GYG2: variants seen among roughly 807,000 people sequenced by gnomAD.
The protein encoded by GYG2 is glycogenin-2.
Under a neutral mutation model 29.4 loss-of-function variants are expected in GYG2, and 29 were observed. The observed-to-expected ratio is 0.99, with a 90% CI of 0.74 to 1.35. The LOEUF is 1.35. Among genes scored for constraint, GYG2 ranks in the 40% most tolerant of loss-of-function variants. The probability of loss-of-function intolerance (pLI) is 0.00; values close to 1 mark genes in which losing one functional copy is unlikely to be tolerated. For synonymous variants in GYG2, 167 were observed against 172.3 expected, an observed-to-expected ratio of 0.97 and a Z score of 0.24; for missense variants, 370 against 385.7, an observed-to-expected ratio of 0.96 and a Z score of 0.34.
chrX:2,855,005 G>A lies in GYG2; in HGVS notation c.337G>A (p.Val113Ile). 1 of 1,211,354 alleles carries A rather than the reference G, an allele frequency of 8.3e-7. No individual in the cohort carries two copies. Among genetic ancestry groups the A allele is most frequent in the Non-Finnish European group, 1.1e-6 (1 of 895,154 alleles). Residue 113 changes from valine to isoleucine, a missense_variant, in exon 5 of 11, where the codon GTC becomes ATC. Physicochemically the swap from Val to Ile is conservative, Grantham distance 29 (BLOSUM62 3). Coordinates refer to ENST00000398806, the MANE Select transcript of GYG2 (RefSeq NM_001079855.2). ...TTTGCTTCACCAGGTGCTGTCCAATGTCGATGAGCTGTTTGACAGGGGAGA... is the reference window on the plus strand; with the variant it reads ...TTTGCTTCACCAGGTGCTGTCCAATATCGATGAGCTGTTTGACAGGGGAGA... ...LDADTLVLSNVDELFDRGEFS... is the reference protein window; with the variant it reads ...LDADTLVLSNIDELFDRGEFS...
chrX:2,833,950 C>T (rs1360295197), intron 2 of GYG2, among the ~76,000 whole-genome samples: 1 of 112,418 alleles, frequency 8.9e-6, no homozygotes, highest in African/African-American at 3.2e-5. Context: ...ATGAGACCTT[C>T]TTACAGGTTT....
chrX:2,868,921 T>C (rs983876247), intron 8 of GYG2, among the ~76,000 whole-genome samples: 1 of 111,106 alleles, frequency 9.0e-6, no homozygotes, highest in Non-Finnish European at 1.9e-5. Flanking sequence ...TCCAAGATAA[T>C]ATTTGATAAC....
At chrX:2,858,947 T>C (rs901856448) in intron 6 of GYG2, among the ~76,000 whole-genome samples, 1 of 111,392 alleles carries the variant, frequency 9.0e-6, no homozygotes, top group African/African-American at 3.3e-5. Flanking sequence ...GCCCCTGTCG[T>C]TTTAAGGATA....
intron 8 of GYG2, among the ~76,000 whole-genome samples, chrX:2,867,301 A>AG (rs2088320912): frequency 9.1e-6 from 1 of 109,710 alleles, no homozygotes. Flanking sequence ...AGGCTTCAAA[A>AG]CATCAATGGA....
At chrX:2,870,166 T>C (rs1337143684) in intron 8 of GYG2, among the ~76,000 whole-genome samples, 2 of 110,179 alleles carry the variant, frequency 1.8e-5, no homozygotes, top group Admixed American at 9.8e-5. Flanking sequence ...TTATTCATAA[T>C]ACACCTTTTT....
At chrX:2,863,740 A>G (rs972850033) in intron 8 of GYG2, among the ~76,000 whole-genome samples, 1 of 111,656 alleles carries the variant, frequency 9.0e-6, no homozygotes. Context: ...CTGGTTTTTC[A>G]TTCCTCATGG....
rs2087741044 is a variant in GYG2, at chrX:2,846,477, AG to A, written c.149+3125del. Among the ~76,000 whole-genome samples, 3 of 111,286 alleles carry A rather than the reference AG, an allele frequency of 2.7e-5. No individual in the cohort carries two copies. The South Asian group carries it at 1.1e-3, about 43-fold the overall frequency. ...TAATTGGGAACAAGAAACAAATTCAAGGATTAGGTTAACAAATCTTCAGGGA... is the reference window on the plus strand; with the variant it reads ...TAATTGGGAACAAGAAACAAATTCAAGATTAGGTTAACAAATCTTCAGGGA... On this transcript the variant is annotated intron_variant, in intron 3 of 10. Coordinates refer to ENST00000398806, the MANE Select transcript of GYG2 (RefSeq NM_001079855.2).
At chrX:2,836,681 A>G (rs2087379740) in intron 2 of GYG2, among the ~76,000 whole-genome samples, 1 of 106,426 alleles carries the variant, frequency 9.4e-6, no homozygotes, top group African/African-American at 3.4e-5. Context: ...GTCAAAAAAA[A>G]AAAAAAAAAA....
intron 2 of GYG2, among the ~76,000 whole-genome samples, chrX:2,830,946 C>A (rs2087250315): frequency 9.0e-6 from 1 of 111,591 alleles, no homozygotes; most frequent in Admixed American, 9.4e-5. Context: ...AAATAAGAAT[C>A]CAGGTTAATC....
chrX:2,857,286 CATCTT>C lies in GYG2; in HGVS notation c.614+667_614+671del, dbSNP rs1309797233. 1.3e-3 allele frequency among the ~76,000 whole-genome samples: 92 copies of C among 68,433 alleles called. 1 individual carries two copies. The highest frequency in any genetic ancestry group is 6.8e-3 in the African/African-American group (80 of 11,703). 59.4% of individuals were successfully genotyped at this position (68,433 alleles called of 115,157 possible). On this transcript the variant is annotated intron_variant, in intron 6 of 10. Transcript: ENST00000398806. ...ATAGATCTGGATATCTATCTATAAACATCTTATCTATCTATCTATCTAGATCTACA... is the reference window on the plus strand; with the variant it reads ...ATAGATCTGGATATCTATCTATAAACATCTATCTATCTATCTAGATCTACA...
chrX:2,836,471 C>G (rs1348715154), intron 2 of GYG2, among the ~76,000 whole-genome samples: 4 of 109,820 alleles, frequency 3.6e-5, no homozygotes. Flanking sequence ...GAGTTTGAGA[C>G]CAGCCTGGGT....
chrX:2,848,368 G>A (rs1480831849), intron 3 of GYG2, among the ~76,000 whole-genome samples: 1 of 110,467 alleles, frequency 9.1e-6, no homozygotes, highest in East Asian at 2.9e-4. Flanking sequence ...GTGAAACCCC[G>A]TCTTTACTAA....
intron 2 of GYG2, among the ~76,000 whole-genome samples, chrX:2,831,553 G>A (rs1435952126): frequency 8.9e-6 from 1 of 111,763 alleles, no homozygotes; most frequent in Non-Finnish European, 1.9e-5. Flanking sequence ...CCAAGGAATG[G>A]CAGAAAAGAT....
chrX:2,878,815 C>T (rs1658547333), intron 10 of GYG2, among the ~76,000 whole-genome samples: 1 of 112,245 alleles, frequency 8.9e-6, no homozygotes, highest in African/African-American at 3.2e-5. Context: ...TAATTCATAA[C>T]ATTGGAGCAG....
intron 3 of GYG2, among the ~76,000 whole-genome samples, chrX:2,844,572 G>A (rs1296802631): frequency 1.4e-5 from 1 of 69,733 alleles, no homozygotes; most frequent in East Asian, 5.3e-4. Context: ...ATGTGTATAC[G>A]CACACGCATG....
chrX:2,880,038 GAT>G (rs1180212188), intron 10 of GYG2, among the ~76,000 whole-genome samples: 2 of 112,046 alleles, frequency 1.8e-5, no homozygotes, highest in African/African-American at 6.5e-5. Context: ...TAGATAGAAA[GAT>G]GTGTGTGTGT....
chrX:2,833,084 C>T (rs887441517), intron 2 of GYG2, among the ~76,000 whole-genome samples: 1 of 111,683 alleles, frequency 9.0e-6, no homozygotes, highest in Non-Finnish European at 1.9e-5. Context: ...ACAGACTGGG[C>T]GGCTTAAACA....
intron 3 of GYG2, among the ~76,000 whole-genome samples, chrX:2,850,725 G>C (rs918722233): frequency 9.0e-6 from 1 of 110,750 alleles, no homozygotes; most frequent in Non-Finnish European, 1.9e-5. Flanking sequence ...CCCCTACTGA[G>C]CACCTTTCGA....
At chrX:2,880,164 A>ATGTGTG (rs10534403) in intron 10 of GYG2, among the ~76,000 whole-genome samples, 17,691 of 104,919 alleles carry the variant, frequency 0.17, 1,230 homozygotes, top group Non-Finnish European at 0.2. Flanking sequence ...GCCAAACAAA[A>ATGTGTG]TGTGTGTGTG....
Sources: gnomAD v4.1 joint callset for allele counts (sites outside exome capture counted in the v4.1 genomes callset) on GRCh38, gnomAD v4.1.1 for gene constraint, MANE v1.5 for transcripts, NCBI Gene and HGNC (gene_info 2026-07-23, HGNC 2026-07-21) for gene names.